Variants in ACTR1A observed in about 807,000 individuals in gnomAD.
ACTR1A encodes alpha-centractin.
A neutral mutation model predicts 50.7 loss-of-function variants in ACTR1A; 10 were observed. The ratio of observed to expected loss-of-function variants is 0.20; its 90% CI spans 0.12 to 0.33. The LOEUF (loss-of-function observed/expected upper bound fraction) is 0.33. Ranked by LOEUF, ACTR1A falls within the 10% of genes least tolerant of loss-of-function variation. ACTR1A has a pLI of 1.00. For synonymous variants in ACTR1A, 177 were observed against 184.2 expected (o/e 0.96, Z 0.32); for missense variants, 253 against 491.7 (o/e 0.51, Z 4.59).
At chr10:102,481,482 T>C (rs1401764986) in intron 9 of ACTR1A, among the ~76,000 whole-genome samples, 1 of 152,172 alleles carries the variant, frequency 6.6e-6, no homozygotes, top group Non-Finnish European at 1.5e-5. Flanking sequence ...ATCACTAAGG[T>C]GTCAGACTGT....
chr10:102,484,255 G>A lies in ACTR1A; in HGVS notation c.562C>T (p.Arg188Trp), dbSNP rs1184467444. 10 of 1,614,052 alleles carry A rather than the reference G, an allele frequency of 6.2e-6. No homozygotes were observed. Among genetic ancestry groups the A allele is most frequent in the South Asian group, 2.2e-5 (2 of 91,078 alleles). ...HSIMRIDIAG[R>W]DVSRFLRLYL... ...AGGCGCAGGAAGCGAGAGACGTCCC[G>A]GCCCGCGATGTCGATGCGCATGATG... Residue 188 changes from arginine (R) to tryptophan (W), a missense_variant, in exon 6 of 11, where the codon CGG becomes TGG. Around this residue, in one of 4 missense-constraint regions of ACTR1A, gnomAD observed 116 missense variants for 155.9 expected, o/e 0.74. Transcript: ENST00000369905.
intron 1 of ACTR1A, among the ~76,000 whole-genome samples, chr10:102,493,001 C>CAAAAAA (rs398014648): frequency 4.7e-4 from 23 of 48,890 alleles, no homozygotes; most frequent in African/African-American, 7.6e-4. Flanking sequence ...GACTCCACCT[C>CAAAAAA]AAAAAAAAAA....
intron 1 of ACTR1A, among the ~76,000 whole-genome samples, chr10:102,502,160 C>G (rs778247531): frequency 5.9e-5 from 9 of 152,212 alleles, no homozygotes; most frequent in African/African-American, 2.2e-4. Context: ...AGAGGGAAAA[C>G]AATATGGCGG....
chr10:102,488,762 CA>C lies in ACTR1A; in HGVS notation c.189+300del, dbSNP rs1361759433. ...TATTTTTTGTGAAAAAAATAATAAA[CA>C]CAGTAAATTTGATCACTGACAAGGC... On this transcript the variant is annotated intron_variant, in intron 3 of 10. Coordinates refer to ENST00000369905, the MANE Select transcript of ACTR1A (RefSeq NM_005736.4). The surrounding 1 kb of genome is among the most constrained non-coding windows in gnomAD (Gnocchi z 4.4). Among the ~76,000 whole-genome samples, 1 of 152,108 alleles carries C rather than the reference CA, an allele frequency of 6.6e-6. No homozygotes were observed. Among genetic ancestry groups the C allele is most frequent in the Admixed American group, 6.6e-5 (1 of 15,260 alleles).
chr10:102,487,677 G>A (rs1191626760), intron 4 of ACTR1A, among the ~76,000 whole-genome samples: 9 of 146,986 alleles, frequency 6.1e-5, no homozygotes, highest in Non-Finnish European at 1.3e-4. Context: ...TGTCACCCAG[G>A]CTGGAGCACA....
chr10:102,482,217 C>A lies in ACTR1A; in HGVS notation c.751-42G>T. 1.3e-6 allele frequency: 2 copies of A among 1,597,742 alleles called. No individual in the cohort carries two copies. Among genetic ancestry groups the A allele is most frequent in the Non-Finnish European group, 1.7e-6 (2 of 1,174,752 alleles). On this transcript the variant is annotated intron_variant, in intron 7 of 10. Transcript: ENST00000369905. This position sits in a 1 kb window ranked among gnomAD's most constrained non-coding sequence, Gnocchi z 5.6. ...CAGCTGAAGAGGTCGGAGCTGGGACCAAGGTCCCTTTGGGAGTGGGAATGG... is the reference window on the plus strand; with the variant it reads ...CAGCTGAAGAGGTCGGAGCTGGGACAAAGGTCCCTTTGGGAGTGGGAATGG...
chr10:102,502,229 A>G (rs189346969), intron 1 of ACTR1A, among the ~76,000 whole-genome samples: 3 of 152,190 alleles, frequency 2.0e-5, no homozygotes, highest in Admixed American at 6.5e-5. Flanking sequence ...TCATCCGGCA[A>G]GGCTAAGAGG....
intron 1 of ACTR1A, among the ~76,000 whole-genome samples, chr10:102,498,288 C>G (rs575590290): frequency 6.6e-6 from 1 of 150,958 alleles, no homozygotes; most frequent in East Asian, 1.9e-4. Flanking sequence ...TATACCACAC[C>G]GAATTTTTCT....
chr10:102,497,664 A>T (rs1193037909), intron 1 of ACTR1A, among the ~76,000 whole-genome samples: 2 of 151,058 alleles, frequency 1.3e-5, no homozygotes, highest in African/African-American at 4.9e-5. Context: ...TTTTTTTTTT[A>T]AAGAGATGGG....
Position 102,484,619 on chromosome 10 carries a change from C to T in ACTR1A, c.441-243G>A, listed in dbSNP as rs565240424. Among the ~76,000 whole-genome samples, 5 of 152,280 alleles carry T rather than the reference C, an allele frequency of 3.3e-5. No homozygotes were observed. The South Asian group carries it at 1.0e-3, about 32-fold the overall frequency. ...TACCCAGAAGAGCAGGCCTTCCTGT[C>T]TGAGATGGCCTGGCCTTCAGCTGCT... On this transcript the variant is annotated intron_variant, in intron 5 of 10. Transcript: ENST00000369905.
rs2062129588 is a variant in ACTR1A, at chr10:102,479,877, G to A, written c.*986C>T. ...GTTGATTCCAGGGCAGTGAGCAAGAGGAAAAGGGAGAAAGAGCCTGGTGGG... is the reference window on the plus strand; with the variant it reads ...GTTGATTCCAGGGCAGTGAGCAAGAAGAAAAGGGAGAAAGAGCCTGGTGGG... On this transcript the variant is annotated 3_prime_UTR_variant, in exon 11 of 11. Transcript: ENST00000369905. This position sits in a 1 kb window ranked among gnomAD's most constrained non-coding sequence, Gnocchi z 4.0. The A allele has an allele frequency of 3.0e-6, 1 of 338,110 alleles. No individual in the cohort carries two copies. The highest frequency in any genetic ancestry group is 3.8e-5 in the Admixed American group (1 of 26,168). 20.9% of individuals were successfully genotyped at this position (338,110 alleles called of 1,614,324 possible).
At chr10:102,497,652 A>AT (rs11333978) in intron 1 of ACTR1A, among the ~76,000 whole-genome samples, 6,770 of 150,452 alleles carry the variant, frequency 0.045, 471 homozygotes, top group African/African-American at 0.15. Flanking sequence ...AAGGAGCACA[A>AT]TTTTTTTTTT....
intron 6 of ACTR1A, chr10:102,483,663 AC>A (rs2062153840): frequency 5.9e-6 from 1 of 168,476 alleles, no homozygotes; most frequent in Non-Finnish European, 1.3e-5. Flanking sequence ...ACATGGTGAA[AC>A]CATGTCTCTG....
chr10:102,500,569 A>AAACC, intron 1 of ACTR1A, among the ~76,000 whole-genome samples: 1 of 101,180 alleles, frequency 9.9e-6, no homozygotes, highest in East Asian at 2.2e-4. Context: ...TCCGTCTCAA[A>AAACC]AACAAACAAA....
chr10:102,493,364 C>T (rs549883936), intron 1 of ACTR1A, among the ~76,000 whole-genome samples: 30 of 152,242 alleles, frequency 2.0e-4, no homozygotes, highest in East Asian at 1.9e-3. Flanking sequence ...TTGGGTCTCC[C>T]GGCAGAGGTT....
Position 102,480,733 on chromosome 10 carries a change from G to C in ACTR1A, c.*130C>G, listed in dbSNP as rs937038200. 1.3e-6 allele frequency: 1 copy of C among 783,568 alleles called. No homozygotes were observed. Among genetic ancestry groups the C allele is most frequent in the African/African-American group, 1.7e-5 (1 of 59,240 alleles). The allele number at this position is 783,568 out of a possible 1,614,324, so 48.5% of individuals were successfully genotyped here. A position where few individuals can be genotyped will look rare whatever the true frequency, so the allele number is the denominator to read the frequency against. ...AGGGTCCCAGGGCCACACGGCACTCGCATGTGCACACACACTCATATCCAC... is the reference window on the plus strand; with the variant it reads ...AGGGTCCCAGGGCCACACGGCACTCCCATGTGCACACACACTCATATCCAC... On this transcript the variant is annotated 3_prime_UTR_variant, in exon 11 of 11. Coordinates refer to ENST00000369905, the MANE Select transcript of ACTR1A (RefSeq NM_005736.4).
chr10:102,489,054 G>A lies in ACTR1A; in HGVS notation c.189+9C>T. 1 of 1,551,042 alleles carries A rather than the reference G, an allele frequency of 6.4e-7. No individual in the cohort carries two copies. The highest frequency in any genetic ancestry group is 8.7e-7 in the Non-Finnish European group (1 of 1,146,874). On this transcript the variant is annotated intron_variant, in intron 3 of 10. Transcript: ENST00000369905. ...GGCTTAAGGCTTGTTCTGTAGGCCT[G>A]GGAATTACCTCAGCTTTGGGGCCAA...
intron 2 of ACTR1A, among the ~76,000 whole-genome samples, chr10:102,489,421 T>C (rs2062182525): frequency 6.6e-6 from 1 of 152,212 alleles, no homozygotes; most frequent in African/African-American, 2.4e-5. Flanking sequence ...CTGCAGTGTA[T>C]GAACAGACCA....
chr10:102,491,409 T>G (rs1170064929), intron 1 of ACTR1A, among the ~76,000 whole-genome samples: 1 of 152,234 alleles, frequency 6.6e-6, no homozygotes, highest in Non-Finnish European at 1.5e-5. Context: ...ACTGTCATGC[T>G]TGAAATGGAC....
Sources: allele counts gnomAD v4.1 joint callset (sites outside exome capture counted in the v4.1 genomes callset), GRCh38; gene constraint gnomAD v4.1.1; regional missense constraint gnomAD v4.1.1; non-coding constraint Gnocchi (gnomAD v3.1); transcripts MANE v1.5; gene names NCBI Gene and HGNC (gene_info 2026-07-23, HGNC 2026-07-21).